CAMK1D: variants seen among roughly 807,000 people sequenced by gnomAD.
CAMK1D encodes the protein calcium/calmodulin-dependent protein kinase type 1D.
In CAMK1D, 9 loss-of-function variants were observed where a neutral mutation model predicts 47.7. The ratio of observed to expected loss-of-function variants is 0.19; its 90% confidence interval spans 0.11 to 0.33. The LOEUF (loss-of-function observed/expected upper bound fraction) is 0.33, where lower values mean the gene tolerates loss of function less well. Among genes scored for constraint, CAMK1D ranks in the 10% least tolerant of loss-of-function variants. The pLI, the probability that CAMK1D is intolerant of heterozygous loss-of-function variation, is 1.00. For synonymous variants in CAMK1D, 184 were observed against 184.9 expected (o/e 0.99, Z 0.04); for missense variants, 291 against 488.7 (o/e 0.60, Z 3.81).
chr10:12,587,655 C>A (rs1837860169), intron 2 of CAMK1D, among the ~76,000 whole-genome samples: 1 of 152,026 alleles, frequency 6.6e-6, no homozygotes. Context: ...AGGGAGGACT[C>A]CTTAGGATGT....
intron 2 of CAMK1D, among the ~76,000 whole-genome samples, chr10:12,640,943 G>A (rs183508620): frequency 3.5e-4 from 54 of 152,118 alleles, no homozygotes; most frequent in African/African-American, 1.3e-3. Flanking sequence ...GATGTCTTTT[G>A]GCTTAAAATA....
chr10:12,799,992 CCTT>C (rs1373996921), intron 6 of CAMK1D, among the ~76,000 whole-genome samples: 3 of 152,156 alleles, frequency 2.0e-5, no homozygotes, highest in African/African-American at 7.2e-5. Flanking sequence ...TCTGCTTACT[CCTT>C]CTCAGTTTTC....
At chr10:12,463,113 G>A (rs1480001955) in intron 1 of CAMK1D, among the ~76,000 whole-genome samples, 1 of 150,488 alleles carries the variant, frequency 6.6e-6, no homozygotes, top group Non-Finnish European at 1.5e-5. Context: ...CTTAGAGAAT[G>A]AAAATAAGCT....
At chr10:12,576,248 T>G (rs1274787259) in intron 2 of CAMK1D, among the ~76,000 whole-genome samples, 1 of 152,160 alleles carries the variant, frequency 6.6e-6, no homozygotes, top group Non-Finnish European at 1.5e-5. Context: ...TAAATTAATG[T>G]ATCTATTTTG....
intron 1 of CAMK1D, among the ~76,000 whole-genome samples, chr10:12,380,615 T>C (rs996517143): frequency 1.3e-5 from 2 of 152,196 alleles, no homozygotes; most frequent in Middle Eastern, 3.2e-3. Context: ...CCCAGCACTT[T>C]GGGAGGCCAA....
At chr10:12,737,107 T>A (rs1176149029) in intron 3 of CAMK1D, among the ~76,000 whole-genome samples, 1 of 152,098 alleles carries the variant, frequency 6.6e-6, no homozygotes, top group Non-Finnish European at 1.5e-5. Flanking sequence ...CAGACACACA[T>A]TGGCCTCTCT....
At chr10:12,777,563 G>A (rs891326776) in intron 5 of CAMK1D, among the ~76,000 whole-genome samples, 22 of 151,726 alleles carry the variant, frequency 1.4e-4, no homozygotes, top group African/African-American at 4.6e-4. Context: ...TATTAGAGAC[G>A]GGGTTTCTCC....
chr10:12,490,115 G>T (rs1330587806), intron 1 of CAMK1D, among the ~76,000 whole-genome samples: 4 of 152,156 alleles, frequency 2.6e-5, no homozygotes, highest in Non-Finnish European at 5.9e-5. Flanking sequence ...AGGTTTTCCT[G>T]GGTGCAGTCT....
intron 3 of CAMK1D, among the ~76,000 whole-genome samples, chr10:12,758,434 C>T (rs1307967459): frequency 6.6e-6 from 1 of 152,110 alleles, no homozygotes; most frequent in Non-Finnish European, 1.5e-5. Context: ...CCTTGTGCCT[C>T]GGTTTCTAAG....
In CAMK1D at chr10:12,438,497, T is replaced by A. The variant is rs2768363; in HGVS notation, c.92+88587T>A. Reference sequence around the variant, plus strand: ...AAAACCCTGTTTTTGAAGCACTGGGTGTTCCATCAGTTGAAATTCCTGGAC... The same window carrying A: ...AAAACCCTGTTTTTGAAGCACTGGGAGTTCCATCAGTTGAAATTCCTGGAC... On this transcript the variant is annotated intron_variant, in intron 1 of 10. Coordinates refer to ENST00000619168, the MANE Select transcript of CAMK1D (RefSeq NM_153498.4). Among the ~76,000 whole-genome samples the A allele has an allele frequency of 1.7e-3, 263 of 152,326 alleles. 1 individual carries two copies. Among genetic ancestry groups the A allele is most frequent in the African/African-American group, 6.0e-3 (249 of 41,570 alleles).
At chr10:12,384,967 G>T (rs1838446847) in intron 1 of CAMK1D, among the ~76,000 whole-genome samples, 1 of 152,158 alleles carries the variant, frequency 6.6e-6, no homozygotes, top group Non-Finnish European at 1.5e-5. Flanking sequence ...CCAAGGATAT[G>T]AATAGGCATT....
intron 2 of CAMK1D, among the ~76,000 whole-genome samples, chr10:12,664,339 TG>T (rs540738588): frequency 1.4e-4 from 22 of 152,328 alleles, no homozygotes; most frequent in African/African-American, 5.1e-4. Context: ...AACTGCTATT[TG>T]GGATTGTCCT....
At position 12,566,390 on chromosome 10, in the gene CAMK1D, T is replaced by TCATA. The variant is rs1837125566; in HGVS notation, c.224+13035_224+13038dup. ...TCTTCCAGGGGTGAGGCTGCTGCTG[T>TCATA]CATAGACCCAACACTGCTGCAGAGT... is the stretch of plus-strand genomic sequence containing the variant. On this transcript the variant is annotated intron_variant, in intron 2 of 10. Transcript: ENST00000619168. 2.0e-5 allele frequency among the ~76,000 whole-genome samples: 3 copies of TCATA among 152,232 alleles called. No homozygotes were observed. In the East Asian group the frequency reaches 5.8e-4, roughly 29 times the overall value.
chr10:12,762,624 G>A (rs773161364), intron 4 of CAMK1D, among the ~76,000 whole-genome samples: 1 of 152,168 alleles, frequency 6.6e-6, no homozygotes, highest in East Asian at 1.9e-4. Flanking sequence ...AGGTCTGCCC[G>A]TGATGAGGAT....
chr10:12,777,933 GGA>G (rs1034476471), intron 5 of CAMK1D, among the ~76,000 whole-genome samples: 2 of 152,216 alleles, frequency 1.3e-5, no homozygotes, highest in Non-Finnish European at 2.9e-5. Context: ...GAGGGAGGAG[GGA>G]GAGAGAGCTG....
At chr10:12,527,628 G>A (rs1001214473) in intron 1 of CAMK1D, among the ~76,000 whole-genome samples, 2 of 152,034 alleles carry the variant, frequency 1.3e-5, no homozygotes, top group Admixed American at 6.6e-5. Flanking sequence ...CGCCTGCCTC[G>A]GCTTCCCGAA....
At position 12,676,048 on chromosome 10, in the gene CAMK1D, G is replaced by A. The variant is rs971755741; in HGVS notation, c.299+9238G>A. Among the ~76,000 whole-genome samples, 4 of 152,280 alleles carry A rather than the reference G, an allele frequency of 2.6e-5. No homozygotes were observed. In the Middle Eastern group the frequency reaches 0.014, roughly 518 times the overall value. ...GCTCACCACAACCTCTGCCTCCCGG[G>A]TTCAAGCGATTCTCCTGTCTCAGCC... On this transcript the variant is annotated intron_variant, in intron 3 of 10. Coordinates refer to ENST00000619168, the MANE Select transcript of CAMK1D (RefSeq NM_153498.4).
At chr10:12,490,971 C>G (rs1280369263) in intron 1 of CAMK1D, among the ~76,000 whole-genome samples, 3 of 152,038 alleles carry the variant, frequency 2.0e-5, no homozygotes, top group Non-Finnish European at 2.9e-5. Flanking sequence ...GTTAATGGAA[C>G]AAAACAATTT....
chr10:12,580,426 G>C (rs1837629674), intron 2 of CAMK1D, among the ~76,000 whole-genome samples: 1 of 148,962 alleles, frequency 6.7e-6, no homozygotes, highest in African/African-American at 2.5e-5. Flanking sequence ...GACAGTATTT[G>C]GTGTACAAAG....
Sources: allele counts gnomAD v4.1 joint callset (sites outside exome capture counted in the v4.1 genomes callset), GRCh38; gene constraint gnomAD v4.1.1; transcripts MANE v1.5; gene names NCBI Gene and HGNC (gene_info 2026-07-23, HGNC 2026-07-21).